Variants in SAP130 observed in about 807,000 individuals in gnomAD.
SAP130 encodes histone deacetylase complex subunit SAP130.
A neutral mutation model predicts 103.2 loss-of-function variants in SAP130; 16 were observed. That is an observed-to-expected ratio of 0.16 (90% CI 0.10 to 0.24). The LOEUF is 0.24. Among genes scored for constraint, SAP130 ranks in the 10% least tolerant of loss-of-function variants. The probability of loss-of-function intolerance (pLI) is 1.00; values close to 1 mark genes in which losing one functional copy is unlikely to be tolerated. For missense variants in SAP130, 990 were observed against 1,359.7 expected, an observed-to-expected ratio of 0.73 and a Z score of 4.28; for synonymous variants, 477 against 497.0, an observed-to-expected ratio of 0.96 and a Z score of 0.53.
rs368801230 is a variant in SAP130 at position 127,969,076 on chromosome 2, T to C, written c.2063+8909A>G. On this transcript the variant is annotated intron_variant, in intron 15 of 20. Coordinates refer to ENST00000643581, the MANE Select transcript of SAP130 (RefSeq NM_001330301.2). ...CAACAAAACAGTAAACAAAGTGCTA[T>C]TGATAATTTCTGTGGAACAAGTGCT... Among the ~76,000 whole-genome samples, 51 of 152,302 alleles carry C rather than the reference T, an allele frequency of 3.3e-4. 1 individual carries two copies. In the South Asian group the frequency reaches 6.4e-3, roughly 19 times the overall value.
chr2:127,984,089 G>A (rs1422142376), intron 14 of SAP130, among the ~76,000 whole-genome samples: 4 of 151,304 alleles, frequency 2.6e-5, no homozygotes, highest in African/African-American at 4.9e-5. Flanking sequence ...TTCTCCTATC[G>A]TTTTCTCCAA....
chr2:127,999,902 G>T (rs1573789241), intron 9 of SAP130, 57 bp from the exon 10 acceptor site: 9 of 1,451,324 alleles, frequency 6.2e-6, no homozygotes, highest in Non-Finnish European at 7.5e-6. Flanking sequence ...ACACGTTACA[G>T]ATTCTCAAAA....
At chr2:128,010,482 C>T in intron 6 of SAP130, 89 bp from the exon 7 acceptor site, 1 of 1,247,240 alleles carries the variant, frequency 8.0e-7, no homozygotes, top group Middle Eastern at 2.3e-4. Flanking sequence ...CTTGAGCCTA[C>T]AGATAAGCAT....
At chr2:128,003,988 T>C (rs1054001505) in intron 7 of SAP130, among the ~76,000 whole-genome samples, 4 of 120,970 alleles carry the variant, frequency 3.3e-5, no homozygotes, top group Admixed American at 8.1e-5. Context: ...TTTTTTTTTT[T>C]TGTTGACAGC....
intron 7 of SAP130, among the ~76,000 whole-genome samples, chr2:128,005,707 C>T (rs902821061): frequency 1.1e-4 from 17 of 151,016 alleles, no homozygotes; most frequent in African/African-American, 3.9e-4. Flanking sequence ...AGCGCAGTGG[C>T]GCGATCTTGG....
chr2:127,971,628 T>C (rs1681101694), intron 15 of SAP130, among the ~76,000 whole-genome samples: 1 of 152,194 alleles, frequency 6.6e-6, no homozygotes, highest in Non-Finnish European at 1.5e-5. Context: ...AATACTCTCT[T>C]GTGCAGTTTT....
chr2:127,970,057 G>C (rs1390118801), intron 15 of SAP130, among the ~76,000 whole-genome samples: 1 of 151,620 alleles, frequency 6.6e-6, no homozygotes, highest in Non-Finnish European at 1.5e-5. Flanking sequence ...GTGAAACCCT[G>C]TCTCTACTAA....
chr2:127,982,889 G>A (rs1682054336), intron 14 of SAP130, among the ~76,000 whole-genome samples: 1 of 152,146 alleles, frequency 6.6e-6, no homozygotes, highest in Admixed American at 6.5e-5. Flanking sequence ...GGTCCCTCTG[G>A]AGCTGGAGTT....
chr2:127,945,439 G>A lies in SAP130; in HGVS notation c.2901+17C>T. On this transcript the variant is annotated intron_variant, in intron 19 of 20. Coordinates refer to ENST00000643581, the MANE Select transcript of SAP130 (RefSeq NM_001330301.2). The stretch of plus-strand genomic sequence containing the variant: ...CCTCTCTTCAGCATGATGAACAACT[G>A]CTAGAACTCCACCTACCAGCTGTAG... 6.7e-7 allele frequency: 1 copy of A among 1,486,008 alleles called. No individual in the cohort carries two copies. The highest frequency in any genetic ancestry group is 1.1e-5 in the South Asian group (1 of 88,596). 92.1% of individuals were successfully genotyped at this position (1,486,008 alleles called of 1,614,324 possible).
At chr2:128,027,577 G>A (rs1044915816) in intron 1 of SAP130, among the ~76,000 whole-genome samples, 6 of 151,430 alleles carry the variant, frequency 4.0e-5, no homozygotes, top group Non-Finnish European at 1.5e-5. Flanking sequence ...GCCCGGATGT[G>A]GAGAGTCACT....
chr2:127,978,577 T>C (rs1303543013), intron 14 of SAP130, among the ~76,000 whole-genome samples: 3 of 152,234 alleles, frequency 2.0e-5, no homozygotes, highest in Non-Finnish European at 4.4e-5. Flanking sequence ...GAATTATCCA[T>C]CAGGTTAGCA....
At position 127,943,583 on chromosome 2, in the gene SAP130, C is replaced by T. The variant is rs145201053; in HGVS notation, c.2902-1046G>A. Among the ~76,000 whole-genome samples, 776 of 152,250 alleles carry T rather than the reference C, an allele frequency of 5.1e-3. 7 individuals carry two copies. The highest frequency in any genetic ancestry group is 8.0e-3 in the Non-Finnish European group (543 of 68,026). On this transcript the variant is annotated intron_variant, in intron 19 of 20. Transcript: ENST00000643581. ...CACCATGTTACTGCAAGGAATAGTG[C>T]GGGAAACTGAAACACAGTGTTAAGT... is the stretch of plus-strand genomic sequence containing the variant.
Position 127,941,457 on chromosome 2 carries a change from GAACT to G in SAP130, c.*545_*548del, listed in dbSNP as rs1678701277. Reference sequence around the variant, plus strand: ...AATGGTTTTTTTTAAAAAATGACAAGAACTAATAGTTCAAACCCTTTAGAGTGTG... The same window carrying G: ...AATGGTTTTTTTTAAAAAATGACAAGAATAGTTCAAACCCTTTAGAGTGTG... On this transcript the variant is annotated 3_prime_UTR_variant, in exon 21 of 21. Coordinates refer to ENST00000643581, the MANE Select transcript of SAP130 (RefSeq NM_001330301.2). 1.3e-5 allele frequency: 2 copies of G among 152,680 alleles called. No individual in the cohort carries two copies. The highest frequency in any genetic ancestry group is 1.9e-4 in the East Asian group (1 of 5,176). 9.5% of individuals were successfully genotyped at this position (152,680 alleles called of 1,614,324 possible). A position where few individuals can be genotyped will look rare whatever the true frequency, so the allele number is the denominator to read the frequency against.
chr2:128,001,898 T>C (rs1683586563), intron 7 of SAP130, among the ~76,000 whole-genome samples: 1 of 151,898 alleles, frequency 6.6e-6, no homozygotes, highest in South Asian at 2.1e-4. Flanking sequence ...TAAATACCAA[T>C]ATGCGTCCAT....
At chr2:128,024,878 CAAAAAAATT>C (rs1293299663) in intron 2 of SAP130, among the ~76,000 whole-genome samples, 1 of 150,376 alleles carries the variant, frequency 6.6e-6, no homozygotes, top group Non-Finnish European at 1.5e-5. Context: ...CACTCTGTCT[CAAAAAAATT>C]AAAAAAATAA....
intron 2 of SAP130, among the ~76,000 whole-genome samples, chr2:128,019,251 TAAAAATTTTTTTTAATTAAA>T (rs978380438): frequency 6.6e-6 from 1 of 151,774 alleles, no homozygotes; most frequent in African/African-American, 2.4e-5. Flanking sequence ...ACAATCTATT[TAAAAATTTTTTTTAATTAAA>T]AAAAATTTTT....
chr2:128,024,489 G>C (rs572718821), intron 2 of SAP130, among the ~76,000 whole-genome samples: 1 of 152,228 alleles, frequency 6.6e-6, no homozygotes, highest in Admixed American at 6.5e-5. Flanking sequence ...TGAGAACGGA[G>C]GATTACTTGA....
chr2:127,950,563 G>A (rs370829001), intron 16 of SAP130, among the ~76,000 whole-genome samples, 155 bp from the exon 17 acceptor site: 20 of 152,340 alleles, frequency 1.3e-4, no homozygotes, highest in African/African-American at 4.6e-4. Context: ...AGCACTCTGT[G>A]GCAGAAGCTG....
At chr2:128,023,788 A>C (rs1001063122) in intron 2 of SAP130, among the ~76,000 whole-genome samples, 2 of 152,178 alleles carry the variant, frequency 1.3e-5, no homozygotes, top group African/African-American at 2.4e-5. Flanking sequence ...GAAAAAAAGA[A>C]GACTATCATT....
Sources: gnomAD v4.1 joint callset for allele counts (sites outside exome capture counted in the v4.1 genomes callset) on GRCh38, gnomAD v4.1.1 for gene constraint, MANE v1.5 for transcripts, NCBI Gene and HGNC (gene_info 2026-07-23, HGNC 2026-07-21) for gene names.